SGCZ: variants seen among roughly 807,000 people sequenced by gnomAD.
SGCZ encodes the protein sarcoglycan zeta.
A neutral mutation model predicts 41.3 loss-of-function variants in SGCZ; 40 were observed. The ratio of observed to expected loss-of-function variants is 0.97; its 90% CI spans 0.75 to 1.26. The LOEUF is 1.26. Ranked by LOEUF, SGCZ falls within the 50% of genes most tolerant of loss-of-function variation. SGCZ has a pLI of 0.00. For synonymous variants in SGCZ, 206 were observed against 137.5 expected, an observed-to-expected ratio of 1.50 and a Z score of -3.49; for missense variants, 552 against 369.8, an observed-to-expected ratio of 1.49 and a Z score of -4.04.
At chr8:15,195,960 C>T (rs1469592181) in intron 1 of SGCZ, among the ~76,000 whole-genome samples, 2 of 118,536 alleles carry the variant, frequency 1.7e-5, no homozygotes, top group African/African-American at 3.3e-5. Context: ...TGCAGTGGCG[C>T]GATCTTGGCT....
At chr8:14,230,653 T>C (rs1340049629) in intron 4 of SGCZ, among the ~76,000 whole-genome samples, 1 of 152,094 alleles carries the variant, frequency 6.6e-6, no homozygotes, top group Non-Finnish European at 1.5e-5. Flanking sequence ...GTATACATCA[T>C]ATGATTGTCC....
intron 2 of SGCZ, among the ~76,000 whole-genome samples, chr8:14,495,048 C>A (rs1801951368): frequency 6.6e-6 from 1 of 152,078 alleles, no homozygotes; most frequent in Non-Finnish European, 1.5e-5. Flanking sequence ...TGAACATGCT[C>A]CCCAGTTGAT....
intron 1 of SGCZ, among the ~76,000 whole-genome samples, chr8:14,824,549 G>T (rs1308932503): frequency 6.6e-6 from 1 of 151,810 alleles, no homozygotes; most frequent in Non-Finnish European, 1.5e-5. Context: ...CTCATGCCCT[G>T]GCTTCCATAA....
rs147378371 is a variant in SGCZ at position 14,322,945 on chromosome 8, C to T, written c.336+1158G>A. ...AATAAAGCAAAAGAACTAAACTTTT[C>T]ATTTTAAATTTAATTCTTTTTAAAA... On this transcript the variant is annotated intron_variant, in intron 3 of 7. Coordinates refer to ENST00000382080, the MANE Select transcript of SGCZ (RefSeq NM_139167.4). Among the ~76,000 whole-genome samples the T allele has an allele frequency of 2.0e-3, 309 of 152,164 alleles. 3 individuals carry two copies. The highest frequency in any genetic ancestry group is 7.2e-3 in the African/African-American group (300 of 41,534).
At chr8:14,391,421 A>G (rs1804767199) in intron 2 of SGCZ, among the ~76,000 whole-genome samples, 1 of 152,156 alleles carries the variant, frequency 6.6e-6, no homozygotes, top group East Asian at 1.9e-4. Flanking sequence ...TTGTATACCT[A>G]TATACTAAGA....
At chr8:15,123,919 G>A (rs900250011) in intron 1 of SGCZ, among the ~76,000 whole-genome samples, 5 of 152,150 alleles carry the variant, frequency 3.3e-5, no homozygotes, top group African/African-American at 1.2e-4. Flanking sequence ...GAGTGCTGAA[G>A]GTAGTCTACA....
At chr8:14,324,073 T>G in intron 3 of SGCZ, 30 bp downstream of exon 3, 1 of 1,484,542 alleles carries the variant, frequency 6.7e-7, no homozygotes, top group South Asian at 1.1e-5. Context: ...AAATTATCTT[T>G]TAGAGTAAGC....
chr8:14,962,748 G>A (rs1476013375), intron 1 of SGCZ, among the ~76,000 whole-genome samples: 2 of 152,184 alleles, frequency 1.3e-5, no homozygotes, highest in African/African-American at 4.8e-5. Flanking sequence ...AACATGATAA[G>A]GATCAATGCA....
chr8:14,188,419 T>C (rs772213978), intron 4 of SGCZ, among the ~76,000 whole-genome samples: 33 of 144,856 alleles, frequency 2.3e-4, no homozygotes, highest in Non-Finnish European at 3.8e-4. Context: ...CCTGAAAACA[T>C]TATGTTTGGT....
At chr8:14,142,999 TAA>T (rs75035278) in intron 5 of SGCZ, among the ~76,000 whole-genome samples, 2 of 142,630 alleles carry the variant, frequency 1.4e-5, no homozygotes, top group African/African-American at 2.6e-5. Context: ...CTTTATAAAT[TAA>T]AAAAAAAAAA....
intron 1 of SGCZ, among the ~76,000 whole-genome samples, chr8:14,611,920 A>C (rs1013440261): frequency 6.6e-6 from 1 of 152,198 alleles, no homozygotes; most frequent in Non-Finnish European, 1.5e-5. Context: ...GCACTGTGTA[A>C]AATACAGGTA....
chr8:14,269,276 T>G (rs896849219), intron 3 of SGCZ, among the ~76,000 whole-genome samples: 1 of 152,208 alleles, frequency 6.6e-6, no homozygotes, highest in Non-Finnish European at 1.5e-5. Flanking sequence ...GTTAATTCAT[T>G]AAATAATTCA....
chr8:14,991,416 T>A (rs1802010465), intron 1 of SGCZ, among the ~76,000 whole-genome samples: 1 of 152,202 alleles, frequency 6.6e-6, no homozygotes, highest in African/African-American at 2.4e-5. Context: ...ATGATGTGTA[T>A]GAGCATTGGA....
intron 2 of SGCZ, among the ~76,000 whole-genome samples, chr8:14,487,112 G>A (rs1801696830): frequency 6.6e-6 from 1 of 152,220 alleles, no homozygotes; most frequent in South Asian, 2.1e-4. Flanking sequence ...GTTCCATAAT[G>A]GAATCATTTG....
At chr8:14,286,399 G>T (rs927684393) in intron 3 of SGCZ, among the ~76,000 whole-genome samples, 3 of 152,084 alleles carry the variant, frequency 2.0e-5, no homozygotes, top group African/African-American at 7.2e-5. Flanking sequence ...GCGAATGCGT[G>T]CAGAGTATAT....
At chr8:14,503,507 T>C (rs1025003665) in intron 2 of SGCZ, among the ~76,000 whole-genome samples, 2 of 152,134 alleles carry the variant, frequency 1.3e-5, no homozygotes, top group Non-Finnish European at 2.9e-5. Context: ...CAGTGGCTCA[T>C]GCCTGTAATC....
chr8:14,427,077 CGAAT>C (rs370880022), intron 2 of SGCZ, among the ~76,000 whole-genome samples: 4,371 of 146,300 alleles, frequency 0.03, 120 homozygotes, highest in South Asian at 0.057. Context: ...AGTGAATGAA[CGAAT>C]GAATGAGTGA....
chr8:14,369,477 T>G (rs1350552957), intron 2 of SGCZ, among the ~76,000 whole-genome samples: 1 of 151,996 alleles, frequency 6.6e-6, no homozygotes, highest in African/African-American at 2.4e-5. Context: ...AGGCACTCAA[T>G]GGCAGTTTAT....
At chr8:14,633,338 G>T (rs1042222584) in intron 1 of SGCZ, among the ~76,000 whole-genome samples, 5 of 151,746 alleles carry the variant, frequency 3.3e-5, no homozygotes, top group African/African-American at 1.2e-4. Context: ...GTGACTTCAG[G>T]GAAGTCACTT....
Sources: gnomAD v4.1 joint callset for allele counts (sites outside exome capture counted in the v4.1 genomes callset) on GRCh38, gnomAD v4.1.1 for gene constraint, MANE v1.5 for transcripts, NCBI Gene and HGNC (gene_info 2026-07-23, HGNC 2026-07-21) for gene names.